The following AFG2A variants were observed in gnomAD, a reference collection of about 807,000 sequenced individuals.
AFG2A encodes the protein AAA ATPase AFG2A.
the AFG2A span, among the ~76,000 whole-genome samples, chr4:122,948,025 A>C: frequency 2.0e-5 from 3 of 152,112 alleles, no homozygotes; most frequent in African/African-American, 7.2e-5. Flanking sequence ...ATGCATATAA[A>C]AAATATGGTT....
chr4:123,035,354 C>G, the AFG2A span, among the ~76,000 whole-genome samples: 2 of 151,968 alleles, frequency 1.3e-5, no homozygotes, highest in Non-Finnish European at 2.9e-5. Flanking sequence ...TATTTAATTT[C>G]CTTTAGAGTT....
chr4:123,217,474 A>G, the AFG2A span, among the ~76,000 whole-genome samples: 7 of 152,314 alleles, frequency 4.6e-5, no homozygotes, highest in African/African-American at 1.7e-4. Context: ...GAAAGAGGGA[A>G]TGTCTCTTTT....
the AFG2A span, chr4:122,979,099 G>A: frequency 1.9e-6 from 2 of 1,062,792 alleles, no homozygotes; most frequent in African/African-American, 1.6e-5. Flanking sequence ...GGAGTATGCA[G>A]CCCTGGCCAC....
chr4:123,253,718 A>G, the AFG2A span, among the ~76,000 whole-genome samples: 1 of 152,126 alleles, frequency 6.6e-6, no homozygotes, highest in African/African-American at 2.4e-5. Context: ...CTTCTTAGGT[A>G]ACTACCTAGA....
the AFG2A span, among the ~76,000 whole-genome samples, chr4:123,162,956 A>G: frequency 6.6e-6 from 1 of 152,232 alleles, no homozygotes; most frequent in Non-Finnish European, 1.5e-5. Context: ...TAAAATGGCA[A>G]TTATTAATGT....
At chr4:123,234,000 C>A in the AFG2A span, among the ~76,000 whole-genome samples, 3 of 152,058 alleles carry the variant, frequency 2.0e-5, no homozygotes, top group East Asian at 3.9e-4. Context: ...TAAAGGTGTT[C>A]TTTTATTAAG....
chr4:123,059,562 A>C, the AFG2A span, among the ~76,000 whole-genome samples: 1 of 151,820 alleles, frequency 6.6e-6, no homozygotes, highest in African/African-American at 2.4e-5. Context: ...ATTGTTGGAC[A>C]TTTGGGTTGG....
chr4:123,103,331 A>G, the AFG2A span, among the ~76,000 whole-genome samples: 1 of 152,122 alleles, frequency 6.6e-6, no homozygotes, highest in South Asian at 2.1e-4. Flanking sequence ...GGAAAGTTGA[A>G]CAGTGGAGAA....
chr4:123,038,337 A>G, the AFG2A span, among the ~76,000 whole-genome samples: 3 of 152,098 alleles, frequency 2.0e-5, no homozygotes, highest in African/African-American at 4.8e-5. Flanking sequence ...AAATTAGTAC[A>G]TGCTGATTGC....
At chr4:123,128,277 G>GA in the AFG2A span, among the ~76,000 whole-genome samples, 1,029 of 152,190 alleles carry the variant, frequency 6.8e-3, 6 homozygotes, top group Middle Eastern at 0.045. Context: ...ATTTAGTTGG[G>GA]AAAAAAACCA....
chr4:123,226,592 G>T, the AFG2A span, among the ~76,000 whole-genome samples: 9 of 152,110 alleles, frequency 5.9e-5, no homozygotes, highest in South Asian at 4.2e-4. Flanking sequence ...CTTTTTGATG[G>T]GCTGCTGGAT....
chr4:122,942,107 G>A, the AFG2A span, among the ~76,000 whole-genome samples: 2 of 151,668 alleles, frequency 1.3e-5, no homozygotes, highest in African/African-American at 4.8e-5. Context: ...TTTTGGTTGT[G>A]TCTCTGCCCG....
At chr4:123,223,716 A>G in the AFG2A span, among the ~76,000 whole-genome samples, 1 of 152,182 alleles carries the variant, frequency 6.6e-6, no homozygotes, top group Non-Finnish European at 1.5e-5. Flanking sequence ...AGGGATTATG[A>G]TTTAACATGA....
chr4:123,223,410 A>C, the AFG2A span, among the ~76,000 whole-genome samples: 1 of 152,200 alleles, frequency 6.6e-6, no homozygotes, highest in Non-Finnish European at 1.5e-5. Context: ...TCACACTGCT[A>C]TAAAAAAATA....
the AFG2A span, among the ~76,000 whole-genome samples, chr4:122,953,311 A>G: frequency 4.6e-5 from 7 of 152,346 alleles, no homozygotes; most frequent in East Asian, 3.9e-4. Context: ...CAGTCTCTCA[A>G]CTTGTAATAC....
chr4:123,013,664 A>G, the AFG2A span, among the ~76,000 whole-genome samples: 1 of 152,132 alleles, frequency 6.6e-6, no homozygotes, highest in Non-Finnish European at 1.5e-5. Context: ...TAAAACCTAG[A>G]TGATGGGTTG....
At chr4:123,118,859 A>G in the AFG2A span, among the ~76,000 whole-genome samples, 4 of 152,126 alleles carry the variant, frequency 2.6e-5, no homozygotes, top group African/African-American at 9.7e-5. Context: ...TTTATGTTTA[A>G]TGATTTTAAC....
At chr4:123,050,711 G>A in the AFG2A span, among the ~76,000 whole-genome samples, 1 of 149,200 alleles carries the variant, frequency 6.7e-6, no homozygotes, top group East Asian at 1.9e-4. Context: ...GGTGAAGAGA[G>A]TTTCTTCTAG....
chr4:123,171,804 T>G, the AFG2A span, among the ~76,000 whole-genome samples: 2 of 152,106 alleles, frequency 1.3e-5, no homozygotes. Context: ...TTCCATAAAT[T>G]TTCCACAAAT....
Sources: allele counts gnomAD v4.1 joint callset (sites outside exome capture counted in the v4.1 genomes callset), GRCh38; gene constraint gnomAD v4.1.1; transcripts MANE v1.5; gene names NCBI Gene and HGNC (gene_info 2026-07-23, HGNC 2026-07-21).